The following XRCC5 variants were observed in gnomAD, a reference collection of about 807,000 sequenced individuals.
XRCC5 encodes DNA repair protein Ku80.
In XRCC5, 12 loss-of-function variants were observed where a neutral mutation model predicts 95.7. The ratio of observed to expected loss-of-function variants is 0.13; its 90% CI spans 0.08 to 0.20. The LOEUF (loss-of-function observed/expected upper bound fraction) is 0.20. Ranked by LOEUF, XRCC5 falls within the 10% of genes least tolerant of loss-of-function variation. XRCC5 has a pLI of 1.00. For missense variants in XRCC5, 595 were observed against 873.9 expected (o/e 0.68, Z 4.02); for synonymous variants, 281 against 290.3 (o/e 0.97, Z 0.33).
intron 17 of XRCC5, 79 bp from the exon 18 acceptor site, chr2:216,192,560 A>C (rs1276817717): frequency 2.1e-6 from 2 of 938,772 alleles, no homozygotes; most frequent in Non-Finnish European, 3.1e-6. Context: ...TTCAGACCAA[A>C]CTTTGTTTGG....
chr2:216,133,075 A>G (rs1697019875), intron 10 of XRCC5, among the ~76,000 whole-genome samples: 1 of 152,286 alleles, frequency 6.6e-6, no homozygotes, highest in South Asian at 2.1e-4. Context: ...TGGTATAACT[A>G]GTATAGTTCT....
intron 6 of XRCC5, among the ~76,000 whole-genome samples, chr2:216,123,099 A>G (rs1361974054): frequency 6.6e-6 from 1 of 152,178 alleles, no homozygotes; most frequent in African/African-American, 2.4e-5. Context: ...CAGGGGTAAT[A>G]CTGCTTGATA....
chr2:216,175,396 A>G (rs534303479), intron 16 of XRCC5: 39 of 512,586 alleles, frequency 7.6e-5, no homozygotes, highest in African/African-American at 5.3e-4. Flanking sequence ...ATCCACCTCC[A>G]TCACCTCTGT....
At chr2:216,199,255 A>G (rs530107325) in intron 19 of XRCC5, among the ~76,000 whole-genome samples, 17 of 152,360 alleles carry the variant, frequency 1.1e-4, no homozygotes, top group African/African-American at 4.1e-4. Context: ...GACATTTGAA[A>G]GGAAATAATT....
At chr2:216,182,497 A>G (rs1003365704) in intron 16 of XRCC5, among the ~76,000 whole-genome samples, 1 of 152,156 alleles carries the variant, frequency 6.6e-6, no homozygotes, top group Non-Finnish European at 1.5e-5. Context: ...ATTCTTCTCT[A>G]TCAATTTTAG....
chr2:216,141,260 C>T lies in XRCC5; in HGVS notation c.1417C>T (p.Leu473Phe), dbSNP rs768430109. ...LAKKDEKTDT[L>F]EDLFPTTKIP... The stretch of plus-strand genomic sequence containing the variant: ...AAAGAAAGATGAGAAGACAGACACC[C>T]TTGAAGACTTGTTTCCAACCACCAA... The change falls in exon 13 of 21, where the codon CTT (leucine) becomes TTT (phenylalanine). Residue 473 changes from leucine to phenylalanine, a missense_variant. Leu to Phe is a conservative substitution (Grantham distance 22). Transcript: ENST00000392132. 6.2e-7 allele frequency: 1 copy of T among 1,614,124 alleles called. No individual in the cohort carries two copies.
chr2:216,143,054 A>G (rs1302499417), intron 13 of XRCC5, among the ~76,000 whole-genome samples: 1 of 152,254 alleles, frequency 6.6e-6, no homozygotes, highest in African/African-American at 2.4e-5. Flanking sequence ...ACTTCACATT[A>G]GCCTACAGTT....
chr2:216,178,660 A>C (rs1031430109), intron 16 of XRCC5, among the ~76,000 whole-genome samples: 2 of 152,240 alleles, frequency 1.3e-5, no homozygotes, highest in African/African-American at 2.4e-5. Flanking sequence ...ATCCCTGTAC[A>C]TCTGCATATA....
intron 18 of XRCC5, among the ~76,000 whole-genome samples, chr2:216,194,019 C>T (rs779951197): frequency 2.0e-5 from 3 of 152,248 alleles, no homozygotes; most frequent in African/African-American, 4.8e-5. Flanking sequence ...TCTGGCCACT[C>T]TATCAATAGC....
At chr2:216,180,061 C>T (rs372691989) in intron 16 of XRCC5, among the ~76,000 whole-genome samples, 3 of 152,132 alleles carry the variant, frequency 2.0e-5, no homozygotes, top group Admixed American at 6.6e-5. Flanking sequence ...AGCAACTGGA[C>T]GAATTGCCAT....
In XRCC5 at chr2:216,132,363, G is replaced by T; in HGVS notation, c.1089G>T (p.Lys363Asn). The T allele has an allele frequency of 6.2e-7, 1 of 1,613,998 alleles. No homozygotes were observed. The highest frequency in any genetic ancestry group is 1.1e-5 in the South Asian group (1 of 91,068). ...TCTTCATGGGAAATCAAGTTCTAAAGGTCTTTGCAGCAAGAGATGATGAGG... is the reference window on the plus strand; with the variant it reads ...TCTTCATGGGAAATCAAGTTCTAAATGTCTTTGCAGCAAGAGATGATGAGG... ...RRFFMGNQVLKVFAARDDEAA... is the reference protein window; with the variant it reads ...RRFFMGNQVLNVFAARDDEAA... The change falls in exon 10 of 21, where the codon AAG becomes AAT. Residue 363 changes from lysine to asparagine, a missense_variant. By Grantham distance (94) the Lys-to-Asn change is moderately conservative. Transcript: ENST00000392132.
At chr2:216,177,401 A>T (rs1689298544) in intron 16 of XRCC5, among the ~76,000 whole-genome samples, 1 of 152,186 alleles carries the variant, frequency 6.6e-6, no homozygotes, top group Non-Finnish European at 1.5e-5. Context: ...TAAAGAAAAC[A>T]CTGTCAATTC....
In XRCC5 at chr2:216,194,989, ATT is replaced by A. The variant is rs1301027028; in HGVS notation, c.2109+4_2109+5del. 2 of 1,613,680 alleles carry A rather than the reference ATT, an allele frequency of 1.2e-6. No homozygotes were observed. Among genetic ancestry groups the A allele is most frequent in the African/African-American group, 2.7e-5 (2 of 74,932 alleles). On this transcript the variant is annotated splice_donor_5th_base_variant and intron_variant, in intron 19 of 20. Transcript: ENST00000392132. ...TCACAGCTGAGGAAGCCAAAAAGGT[ATT>A]GAGGGGTAAACCTTTGTCTTTAGTT...
chr2:216,165,824 T>C (rs997809553), intron 16 of XRCC5, among the ~76,000 whole-genome samples: 1 of 152,202 alleles, frequency 6.6e-6, no homozygotes, highest in African/African-American at 2.4e-5. Context: ...AATTAAAATA[T>C]GGGTGTAGTT....
rs111978013 is a variant in XRCC5, at chr2:216,145,136, AG to A, written c.1477-2945del. Among the ~76,000 whole-genome samples the A allele has an allele frequency of 2.8e-3, 429 of 152,332 alleles. 5 individuals are homozygous for A. The highest frequency in any genetic ancestry group is 9.7e-3 in the African/African-American group (404 of 41,574). On this transcript the variant is annotated intron_variant, in intron 13 of 20. Transcript: ENST00000392132. Reference sequence around the variant, plus strand: ...TCAGTTGAGTAATGGTGTGCAAGCCAGGTTACAATGCCTAGATGAGAAAGAC... The same window carrying A: ...TCAGTTGAGTAATGGTGTGCAAGCCAGTTACAATGCCTAGATGAGAAAGAC...
intron 8 of XRCC5, among the ~76,000 whole-genome samples, chr2:216,130,035 A>C (rs1329814363): frequency 6.6e-6 from 1 of 152,130 alleles, no homozygotes; most frequent in African/African-American, 2.4e-5. Flanking sequence ...GGAACAAATA[A>C]ACACTAGATC....
intron 14 of XRCC5, among the ~76,000 whole-genome samples, chr2:216,157,968 G>A (rs1009905022): frequency 6.6e-6 from 1 of 152,168 alleles, no homozygotes; most frequent in Non-Finnish European, 1.5e-5. Context: ...TCCTAATAAT[G>A]CTGTTAAATG....
In XRCC5 at chr2:216,148,162, C is replaced by T; in HGVS notation, c.1556C>T (p.Pro519Leu). 2 of 1,614,104 alleles carry T rather than the reference C, an allele frequency of 1.2e-6. No homozygotes were observed. Among genetic ancestry groups the T allele is most frequent in the Non-Finnish European group, 1.7e-6 (2 of 1,179,986 alleles). The part of the protein sequence containing the change: ...QQHIWNMLNP[P>L]AEVTTKSQIP... ...CATATTTGGAATATGCTGAATCCTC[C>T]CGCTGAGGTGACAACAAAAAGTCAG... Residue 519 changes from proline (P) to leucine (L), a missense_variant, in exon 14 of 21, where the codon CCC (proline) becomes CTC (leucine). By Grantham distance (98) the Pro-to-Leu change is moderately conservative. Transcript: ENST00000392132.
chr2:216,202,745 G>T (rs1219165908), intron 19 of XRCC5, among the ~76,000 whole-genome samples: 1 of 152,212 alleles, frequency 6.6e-6, no homozygotes, highest in Non-Finnish European at 1.5e-5. Context: ...TAGTGAGGTG[G>T]TCTTAACTGA....
Sources: allele counts gnomAD v4.1 joint callset (sites outside exome capture counted in the v4.1 genomes callset), GRCh38; gene constraint gnomAD v4.1.1; transcripts MANE v1.5; gene names NCBI Gene and HGNC (gene_info 2026-07-23, HGNC 2026-07-21).